The following NTM variants were observed in gnomAD, a reference collection of about 807,000 sequenced individuals.
The protein encoded by NTM is neurotrimin.
In NTM, 13 loss-of-function variants were observed where a neutral mutation model predicts 42.1. That is an observed-to-expected ratio of 0.31 (90% CI 0.20 to 0.49). NTM has a LOEUF of 0.49. Among genes scored for constraint, NTM ranks in the 20% least tolerant of loss-of-function variants. The pLI, the probability that NTM is intolerant of heterozygous loss-of-function variation, is 0.99. For missense variants in NTM, 373 were observed against 452.8 expected (o/e 0.82, Z 1.60); for synonymous variants, 187 against 179.2 (o/e 1.04, Z -0.35).
chr11:132,114,910 G>T (rs540988817), intron 2 of NTM, among the ~76,000 whole-genome samples: 1 of 152,304 alleles, frequency 6.6e-6, no homozygotes, highest in South Asian at 2.1e-4. Context: ...GTGAACATGG[G>T]AGTGAGGACA....
chr11:131,463,782 C>T (rs1324177341), intron 1 of NTM, among the ~76,000 whole-genome samples: 3 of 152,220 alleles, frequency 2.0e-5, no homozygotes, highest in Non-Finnish European at 4.4e-5. Flanking sequence ...GCCTCTCAGA[C>T]TCAGCCCGAA....
chr11:131,449,412 G>T (rs1950313250), intron 1 of NTM, among the ~76,000 whole-genome samples: 1 of 152,184 alleles, frequency 6.6e-6, no homozygotes, highest in South Asian at 2.1e-4. Context: ...CTTCCTCGTT[G>T]TGCAGATAAG....
intron 2 of NTM, among the ~76,000 whole-genome samples, chr11:132,004,691 A>G (rs1482173969): frequency 6.6e-6 from 1 of 151,446 alleles, no homozygotes; most frequent in Non-Finnish European, 1.5e-5. Flanking sequence ...ACACAGGTGC[A>G]TTGTATCAGC....
intron 2 of NTM, among the ~76,000 whole-genome samples, chr11:131,958,846 A>G (rs1338404506): frequency 6.6e-6 from 1 of 152,192 alleles, no homozygotes; most frequent in African/African-American, 2.4e-5. Flanking sequence ...GAAATGAAGG[A>G]AGAGAAGTTT....
At chr11:131,741,190 AGAGAG>A (rs1225964109) in intron 1 of NTM, among the ~76,000 whole-genome samples, 1 of 151,210 alleles carries the variant, frequency 6.6e-6, no homozygotes, top group Non-Finnish European at 1.5e-5. Flanking sequence ...AGAGAGAGAG[AGAGAG>A]AGAGAGAGAG....
intron 2 of NTM, among the ~76,000 whole-genome samples, chr11:132,127,164 A>T (rs1345132209): frequency 6.6e-6 from 1 of 152,154 alleles, no homozygotes; most frequent in African/African-American, 2.4e-5. Flanking sequence ...GTGGATCGAA[A>T]GGTGGTGAAT....
At chr11:132,106,735 C>G (rs1037485283) in intron 2 of NTM, among the ~76,000 whole-genome samples, 1 of 152,154 alleles carries the variant, frequency 6.6e-6, no homozygotes, top group African/African-American at 2.4e-5. Flanking sequence ...CTCGGGTGAT[C>G]GTGATGATAC....
At chr11:131,515,585 G>T (rs906015881) in intron 1 of NTM, among the ~76,000 whole-genome samples, 1 of 152,216 alleles carries the variant, frequency 6.6e-6, no homozygotes, top group Non-Finnish European at 1.5e-5. Flanking sequence ...GGTTCAAGGC[G>T]AGAATTGTAA....
At chr11:131,775,883 T>G (rs2086883958) in intron 1 of NTM, among the ~76,000 whole-genome samples, 1 of 152,216 alleles carries the variant, frequency 6.6e-6, no homozygotes, top group Non-Finnish European at 1.5e-5. Flanking sequence ...AGAGTAGCTA[T>G]GCATAATAAG....
chr11:131,699,164 T>C (rs961503314), intron 1 of NTM, among the ~76,000 whole-genome samples: 19 of 152,218 alleles, frequency 1.2e-4, no homozygotes, highest in Non-Finnish European at 2.4e-4. Context: ...AGGAGGGATC[T>C]AGAGCACTGA....
intron 1 of NTM, among the ~76,000 whole-genome samples, chr11:131,504,267 C>T (rs1217011947): frequency 6.6e-6 from 1 of 152,226 alleles, no homozygotes; most frequent in African/African-American, 2.4e-5. Flanking sequence ...TGTTCCCACT[C>T]TGACTTGCAA....
chr11:131,466,301 T>A (rs1324288107), intron 1 of NTM, among the ~76,000 whole-genome samples: 1 of 152,174 alleles, frequency 6.6e-6, no homozygotes, highest in Non-Finnish European at 1.5e-5. Context: ...TTTATTGACT[T>A]CTTCTTAAGG....
intron 1 of NTM, chr11:131,663,349 C>T (rs990064980): frequency 6.6e-6 from 1 of 152,244 alleles, no homozygotes; most frequent in Non-Finnish European, 1.5e-5. Context: ...GCGCCAGGCT[C>T]TTCATTTGCT....
intron 3 of NTM, among the ~76,000 whole-genome samples, chr11:132,189,281 A>G (rs2078925345): frequency 6.6e-6 from 1 of 152,242 alleles, no homozygotes; most frequent in South Asian, 2.1e-4. Flanking sequence ...AATGTAATTT[A>G]AAGGACAGCT....
chr11:132,077,243 C>T (rs750210392), intron 2 of NTM, among the ~76,000 whole-genome samples: 7 of 152,208 alleles, frequency 4.6e-5, no homozygotes, highest in Non-Finnish European at 1.0e-4. Flanking sequence ...CTTAGAAAGA[C>T]ATCTGTTGAT....
At chr11:131,425,841 T>G (rs1181717178) in intron 1 of NTM, among the ~76,000 whole-genome samples, 2 of 152,258 alleles carry the variant, frequency 1.3e-5, no homozygotes, top group Admixed American at 1.3e-4. Flanking sequence ...AATGGGTCTT[T>G]CGGTAAGTTC....
chr11:131,442,405 G>C (rs1949694326), intron 1 of NTM, among the ~76,000 whole-genome samples: 1 of 152,212 alleles, frequency 6.6e-6, no homozygotes, highest in Non-Finnish European at 1.5e-5. Context: ...ACAGCTTTCA[G>C]TGCATGGTCA....
At chr11:131,651,551 G>T (rs1565376463) in intron 1 of NTM, among the ~76,000 whole-genome samples, 1 of 152,124 alleles carries the variant, frequency 6.6e-6, no homozygotes, top group African/African-American at 2.4e-5. Flanking sequence ...GGGATAAAAA[G>T]ATCATAAAGG....
chr11:132,288,776 C>T (rs753396956), intron 4 of NTM, among the ~76,000 whole-genome samples: 15 of 152,010 alleles, frequency 9.9e-5, no homozygotes, highest in Non-Finnish European at 1.0e-4. Flanking sequence ...CCCACCACCA[C>T]GCCCAGCTAA....
Sources: allele counts gnomAD v4.1 joint callset (sites outside exome capture counted in the v4.1 genomes callset), GRCh38; gene constraint gnomAD v4.1.1; transcripts MANE v1.5; gene names NCBI Gene and HGNC (gene_info 2026-07-23, HGNC 2026-07-21).